FKBP5: variants seen among roughly 807,000 people sequenced by gnomAD.
FKBP5 encodes the protein FKBP prolyl isomerase 5.
FKBP5 carries 23 observed loss-of-function variants against 50.5 expected under a neutral mutation model. That is an observed-to-expected ratio of 0.46 (90% CI 0.33 to 0.65). The LOEUF (loss-of-function observed/expected upper bound fraction) is 0.65. Among genes scored for constraint, FKBP5 ranks in the 30% least tolerant of loss-of-function variants. The probability of loss-of-function intolerance (pLI) is 0.02; values close to 1 mark genes in which losing one functional copy is unlikely to be tolerated. For synonymous variants in FKBP5, 176 were observed against 190.6 expected, an observed-to-expected ratio of 0.92 and a Z score of 0.63; for missense variants, 411 against 553.1, an observed-to-expected ratio of 0.74 and a Z score of 2.58.
At chr6:35,699,545 C>T (rs1766141545) in intron 2 of FKBP5, among the ~76,000 whole-genome samples, 1 of 152,100 alleles carries the variant, frequency 6.6e-6, no homozygotes, top group Non-Finnish European at 1.5e-5. Context: ...TCCTTAATTC[C>T]CCCCAAAGTC....
chr6:35,652,738 C>CT (rs1349844669), intron 1 of FKBP5, among the ~76,000 whole-genome samples: 2 of 152,150 alleles, frequency 1.3e-5, no homozygotes, highest in Non-Finnish European at 2.9e-5. Context: ...CCTCCACTTG[C>CT]TTTGTGATAT....
At chr6:35,683,792 C>T (rs1765747942) in intron 1 of FKBP5, among the ~76,000 whole-genome samples, 1 of 151,922 alleles carries the variant, frequency 6.6e-6, no homozygotes, top group Non-Finnish European at 1.5e-5. Flanking sequence ...TGGCTCACAC[C>T]TGTAATCCCA....
Position 35,601,104 on chromosome 6 carries a change from T to A in FKBP5, c.509-3700A>T, listed in dbSNP as rs142525835. ...GATGCTGTAATAGGACAGTAAACAT[T>A]TGTGATAGCTCTTATAAATATTTTC... On this transcript the variant is annotated intron_variant, in intron 5 of 10. Coordinates refer to ENST00000357266, the MANE Select transcript of FKBP5 (RefSeq NM_004117.4). Among the ~76,000 whole-genome samples the A allele has an allele frequency of 8.8e-3, 1,336 of 152,342 alleles. 14 individuals are homozygous for A. The highest frequency in any genetic ancestry group is 0.015 in the Non-Finnish European group (1,039 of 68,030).
chr6:35,695,570 A>C (rs1766068114), intron 2 of FKBP5, among the ~76,000 whole-genome samples: 1 of 152,266 alleles, frequency 6.6e-6, no homozygotes, highest in Non-Finnish European at 1.5e-5. Context: ...ACATAAAACT[A>C]TCTCTTCACA....
upstream of FKBP5, among the ~76,000 whole-genome samples, chr6:35,693,739 T>C (rs1766038515): frequency 6.6e-6 from 1 of 151,610 alleles, no homozygotes; most frequent in Non-Finnish European, 1.5e-5. Flanking sequence ...CAGGCTGGTC[T>C]TGAACTCCTG....
intron 5 of FKBP5, among the ~76,000 whole-genome samples, chr6:35,600,687 C>T (rs574445220): frequency 4.4e-4 from 67 of 152,202 alleles, no homozygotes; most frequent in Non-Finnish European, 6.5e-4. Flanking sequence ...GTATCATCTT[C>T]CTCCCTTAAG....
At chr6:35,726,853 G>A (rs1465659667) in intron 1 of FKBP5, among the ~76,000 whole-genome samples, 1 of 152,178 alleles carries the variant, frequency 6.6e-6, no homozygotes. Flanking sequence ...GGGAGGCGGG[G>A]GCAGTGGAGG....
chr6:35,584,198 TTAA>T (rs1443180162), intron 8 of FKBP5: 2 of 985,342 alleles, frequency 2.0e-6, no homozygotes, highest in Non-Finnish European at 2.4e-6. Context: ...TTACCTGTAC[TTAA>T]TAATTATTTT....
At chr6:35,638,390 G>T (rs1324030974) in intron 2 of FKBP5, among the ~76,000 whole-genome samples, 2 of 152,042 alleles carry the variant, frequency 1.3e-5, no homozygotes, top group Non-Finnish European at 2.9e-5. Flanking sequence ...AAATTCCACA[G>T]CTTTCTTAAC....
At chr6:35,650,032 T>C (rs1231887048) in intron 1 of FKBP5, among the ~76,000 whole-genome samples, 1 of 152,130 alleles carries the variant, frequency 6.6e-6, no homozygotes, top group Non-Finnish European at 1.5e-5. Flanking sequence ...TCCAAACAAC[T>C]AAATTGGGAA....
chr6:35,666,818 G>C (rs1386113120), intron 1 of FKBP5, among the ~76,000 whole-genome samples: 1 of 152,138 alleles, frequency 6.6e-6, no homozygotes, highest in Non-Finnish European at 1.5e-5. Context: ...GAACTCGGGA[G>C]GTTGCAGTAA....
intron 1 of FKBP5, among the ~76,000 whole-genome samples, chr6:35,655,924 AATTAG>A (rs1389620616): frequency 3.9e-5 from 6 of 152,206 alleles, no homozygotes; most frequent in Admixed American, 6.5e-5. Context: ...TTACCTTATT[AATTAG>A]ATTAGTTTGG....
chr6:35,588,199 G>T (rs2150957700), intron 7 of FKBP5, among the ~76,000 whole-genome samples: 1 of 151,694 alleles, frequency 6.6e-6, no homozygotes, highest in South Asian at 2.1e-4. Context: ...CTAATTTTTT[G>T]TATTTTTAGT....
intron 1 of FKBP5, among the ~76,000 whole-genome samples, chr6:35,687,420 G>A (rs1345084239): frequency 6.6e-6 from 1 of 152,066 alleles, no homozygotes; most frequent in Non-Finnish European, 1.5e-5. Flanking sequence ...TTTTCAAGTC[G>A]ATTCTTGGCT....
chr6:35,620,072 T>C lies in FKBP5; in HGVS notation c.393+60A>G, dbSNP rs1270526530. The C allele has an allele frequency of 2.5e-6, 4 of 1,604,252 alleles. No individual in the cohort carries two copies. In the African/African-American group the frequency reaches 5.3e-5, roughly 21 times the overall value. On this transcript the variant is annotated intron_variant, in intron 4 of 10. Transcript: ENST00000357266. ...AGCTCCTTTTCCCACTGCCTGTTGCTTCAAAGCCATTCCTATTGTAGAGCA... is the reference window on the plus strand; with the variant it reads ...AGCTCCTTTTCCCACTGCCTGTTGCCTCAAAGCCATTCCTATTGTAGAGCA...
At chr6:35,674,367 A>T (rs1221425937) in intron 1 of FKBP5, among the ~76,000 whole-genome samples, 1 of 152,218 alleles carries the variant, frequency 6.6e-6, no homozygotes, top group African/African-American at 2.4e-5. Flanking sequence ...AACACATAAG[A>T]GTTGACAAGT....
At chr6:35,691,430 G>A (rs1765984766), upstream of FKBP5, among the ~76,000 whole-genome samples, 1 of 152,154 alleles carries the variant, frequency 6.6e-6, no homozygotes, top group African/African-American at 2.4e-5. Context: ...AGCAGTGTGG[G>A]CAAATCTGCA....
rs565663924 is a variant in FKBP5 at position 35,619,926 on chromosome 6, T to C, written c.393+206A>G. Among the ~76,000 whole-genome samples, 12 of 152,322 alleles carry C rather than the reference T, an allele frequency of 7.9e-5. No individual in the cohort carries two copies. In the South Asian group the frequency reaches 1.7e-3, roughly 21 times the overall value. ...TTTTGTTTATTTGGATATGACCTTT[T>C]TGTGCTAGAAACACGTTTCTAAGAA... is the stretch of plus-strand genomic sequence containing the variant. On this transcript the variant is annotated intron_variant, in intron 4 of 10. Coordinates refer to ENST00000357266, the MANE Select transcript of FKBP5 (RefSeq NM_004117.4).
chr6:35,644,251 TC>T (rs1764570362), intron 1 of FKBP5, among the ~76,000 whole-genome samples: 1 of 152,176 alleles, frequency 6.6e-6, no homozygotes, highest in Non-Finnish European at 1.5e-5. Context: ...TCCACACTGC[TC>T]CCTGTTTGGG....
Sources: gnomAD v4.1 joint callset for allele counts (sites outside exome capture counted in the v4.1 genomes callset) on GRCh38, gnomAD v4.1.1 for gene constraint, MANE v1.5 for transcripts, NCBI Gene and HGNC (gene_info 2026-07-23, HGNC 2026-07-21) for gene names.